SLC27A6: variants seen among roughly 807,000 people sequenced by gnomAD.
SLC27A6 encodes the protein long-chain fatty acid transport protein 6.
A neutral mutation model predicts 63.9 loss-of-function variants in SLC27A6; 74 were observed. The ratio of observed to expected loss-of-function variants is 1.16; its 90% CI spans 0.96 to 1.40. The LOEUF (loss-of-function observed/expected upper bound fraction) is 1.40. Among genes scored for constraint, SLC27A6 ranks in the 40% most tolerant of loss-of-function variants. SLC27A6 has a pLI of 0.00. For missense variants in SLC27A6, 794 were observed against 732.9 expected, an observed-to-expected ratio of 1.08 and a Z score of -0.96; for synonymous variants, 287 against 260.8, an observed-to-expected ratio of 1.10 and a Z score of -0.97.
At chr5:128,973,747 T>A (rs1254620610) in intron 1 of SLC27A6, among the ~76,000 whole-genome samples, 6 of 152,184 alleles carry the variant, frequency 3.9e-5, no homozygotes, top group African/African-American at 1.4e-4. Context: ...CGATGCCCTG[T>A]CCTACTTTGC....
Position 128,965,772 on chromosome 5 carries a change from A to C in SLC27A6, c.-366A>C. On this transcript the variant is annotated 5_prime_UTR_variant, in exon 1 of 10. Transcript: ENST00000262462. ...GAAGAGGTCTGGAAAGTCCTGGGGA[A>C]CTCGCAGGGCACGGGCCGCTGTCGC... is the stretch of plus-strand genomic sequence containing the variant. 1 of 193,604 alleles carries C rather than the reference A, an allele frequency of 5.2e-6. No homozygotes were observed. Among genetic ancestry groups the C allele is most frequent in the African/African-American group, 2.3e-5 (1 of 42,976 alleles). 12.0% of individuals were successfully genotyped at this position (193,604 alleles called of 1,614,324 possible). A position where few individuals can be genotyped will look rare whatever the true frequency, so the allele number is the denominator to read the frequency against.
In SLC27A6 at chr5:128,988,747, G is replaced by A. The variant is rs947514487; in HGVS notation, c.833G>A (p.Cys278Tyr). 3.1e-6 allele frequency: 5 copies of A among 1,611,058 alleles called. No individual in the cohort carries two copies. The highest frequency in any genetic ancestry group is 1.3e-5 in the African/African-American group (1 of 74,826). Residue 278 changes from cysteine to tyrosine, a missense_variant, in exon 3 of 10, where the codon TGT (cysteine) becomes TAT (tyrosine). Cys to Tyr is a radical substitution (Grantham distance 194). Transcript: ENST00000262462. ...GCAGCTATCCTGGGAATTTCTGGAT[G>A]TGTTGAGTTGGGTAAGGCTTTATTT... ...SSAAILGISGCVELGATCVLK... is the reference protein window; with the variant it reads ...SSAAILGISGYVELGATCVLK...
At chr5:129,013,906 C>T (rs540991051) in intron 4 of SLC27A6, among the ~76,000 whole-genome samples, 1 of 152,280 alleles carries the variant, frequency 6.6e-6, no homozygotes, top group South Asian at 2.1e-4. Context: ...GAATGAGGCA[C>T]TAAATGCCTG....
At chr5:129,010,004 CAT>C (rs1326634803) in intron 4 of SLC27A6, among the ~76,000 whole-genome samples, 3 of 152,146 alleles carry the variant, frequency 2.0e-5, no homozygotes, top group Non-Finnish European at 4.4e-5. Flanking sequence ...GATTTAATAA[CAT>C]GTTACGTGTT....
At chr5:128,990,297 T>C in intron 3 of SLC27A6, 43 bp from the exon 4 acceptor site, 1 of 1,596,386 alleles carries the variant, frequency 6.3e-7, no homozygotes. Flanking sequence ...CATTCTGCCT[T>C]TGAATTTTTT....
Position 128,966,382 on chromosome 5 carries a change from A to C in SLC27A6, c.245A>C (p.Tyr82Ser). The C allele has an allele frequency of 6.2e-7, 1 of 1,613,458 alleles. No individual in the cohort carries two copies. The highest frequency in any genetic ancestry group is 1.1e-5 in the South Asian group (1 of 90,984). ...ATCTATGAGGGAGACATCTACACCT[A>C]TCAGGATGTAGACAAAAGGAGCAGC... Reference protein sequence around the residue: ...FIIYEGDIYTYQDVDKRSSRV... With the variant: ...FIIYEGDIYTSQDVDKRSSRV... The change falls in exon 1 of 10, where the codon TAT becomes TCT. Residue 82 changes from tyrosine to serine, a missense_variant. Coordinates refer to ENST00000262462, the MANE Select transcript of SLC27A6 (RefSeq NM_001017372.3).
At chr5:128,994,242 T>C (rs1751080246) in intron 4 of SLC27A6, among the ~76,000 whole-genome samples, 1 of 152,136 alleles carries the variant, frequency 6.6e-6, no homozygotes, top group Non-Finnish European at 1.5e-5. Flanking sequence ...GTTTATCAAA[T>C]AATCTGCAAA....
At chr5:129,026,505 T>C (rs2150155230) in intron 6 of SLC27A6, among the ~76,000 whole-genome samples, 1 of 152,282 alleles carries the variant, frequency 6.6e-6, no homozygotes, top group Non-Finnish European at 1.5e-5. Context: ...TAAACTGTTT[T>C]ATTATAATAA....
intron 1 of SLC27A6, among the ~76,000 whole-genome samples, chr5:128,968,547 A>G (rs1015804012): frequency 4.6e-5 from 7 of 152,140 alleles, no homozygotes; most frequent in South Asian, 4.1e-4. Context: ...TCTGTTGGCT[A>G]CATAAATGTC....
intron 4 of SLC27A6, among the ~76,000 whole-genome samples, chr5:128,996,582 GT>G (rs750748342): frequency 2.0e-5 from 3 of 151,630 alleles, no homozygotes; most frequent in South Asian, 2.1e-4. Context: ...GAGTTTACAG[GT>G]TTTTTTTTAT....
intron 1 of SLC27A6, among the ~76,000 whole-genome samples, chr5:128,972,799 T>G (rs1165323790): frequency 6.6e-6 from 1 of 152,226 alleles, no homozygotes; most frequent in Non-Finnish European, 1.5e-5. Context: ...TCCATCCAGT[T>G]TTGTTCCATT....
At chr5:129,024,117 A>G (rs1752163002) in intron 6 of SLC27A6, among the ~76,000 whole-genome samples, 1 of 152,126 alleles carries the variant, frequency 6.6e-6, no homozygotes, top group Non-Finnish European at 1.5e-5. Context: ...GACTAGGTCC[A>G]CTGTATAATT....
chr5:128,981,065 A>T (rs756207994), intron 1 of SLC27A6, among the ~76,000 whole-genome samples: 18 of 152,170 alleles, frequency 1.2e-4, no homozygotes, highest in Admixed American at 2.0e-4. Flanking sequence ...TGTACTTGCA[A>T]CCCCACCTAA....
At chr5:128,973,368 GC>G (rs1282374371) in intron 1 of SLC27A6, among the ~76,000 whole-genome samples, 1 of 152,194 alleles carries the variant, frequency 6.6e-6, no homozygotes, top group East Asian at 1.9e-4. Flanking sequence ...GCTATGCCCT[GC>G]CCCCAGAGGT....
chr5:128,996,201 A>G (rs979283835), intron 4 of SLC27A6, among the ~76,000 whole-genome samples: 1 of 152,158 alleles, frequency 6.6e-6, no homozygotes, highest in African/African-American at 2.4e-5. Context: ...TACTATTTGT[A>G]GTTTGACATT....
At chr5:129,018,421 A>AG (rs1347712797) in intron 5 of SLC27A6, among the ~76,000 whole-genome samples, 1 of 152,104 alleles carries the variant, frequency 6.6e-6, no homozygotes, top group African/African-American at 2.4e-5. Flanking sequence ...GCCCATTCAA[A>AG]GCTGGTGTAA....
intron 6 of SLC27A6, among the ~76,000 whole-genome samples, chr5:129,024,499 G>T (rs992314368): frequency 6.6e-6 from 1 of 152,026 alleles, no homozygotes; most frequent in African/African-American, 2.4e-5. Context: ...TATTGTGGAC[G>T]ATTAAATGGG....
intron 1 of SLC27A6, among the ~76,000 whole-genome samples, chr5:128,972,681 A>AG (rs928464391): frequency 6.6e-6 from 1 of 152,026 alleles, no homozygotes; most frequent in African/African-American, 2.4e-5. Context: ...TCTTTTTTCA[A>AG]GGTTTTTAGC....
intron 5 of SLC27A6, among the ~76,000 whole-genome samples, chr5:129,020,520 A>G (rs1752041760): frequency 6.6e-6 from 1 of 152,176 alleles, no homozygotes; most frequent in Non-Finnish European, 1.5e-5. Flanking sequence ...AGAAATGGTT[A>G]TTCTCCTACC....
Sources: allele counts gnomAD v4.1 joint callset (sites outside exome capture counted in the v4.1 genomes callset), GRCh38; gene constraint gnomAD v4.1.1; transcripts MANE v1.5; gene names NCBI Gene and HGNC (gene_info 2026-07-23, HGNC 2026-07-21).